Variants in RGMA observed in about 807,000 individuals in gnomAD.
The protein encoded by RGMA is repulsive guidance molecule BMP co-receptor a.
Under a neutral mutation model 23.2 loss-of-function variants are expected in RGMA, and 10 were observed. That is an observed-to-expected ratio of 0.43 (90% CI 0.27 to 0.73). The LOEUF is 0.73. RGMA is among the 30% of genes least tolerant of loss of function. RGMA has a pLI of 0.20. For missense variants in RGMA, 547 were observed against 630.5 expected, an observed-to-expected ratio of 0.87 and a Z score of 1.42; for synonymous variants, 308 against 279.3, an observed-to-expected ratio of 1.10 and a Z score of -1.03.
At position 93,088,831 on chromosome 15, in the gene RGMA, A is replaced by AC; in HGVS notation, c.14+87dup. 7.2e-6 allele frequency: 9 copies of AC among 1,245,108 alleles called. No homozygotes were observed. In the South Asian group the frequency reaches 1.2e-4, roughly 17 times the overall value. 77.1% of individuals were successfully genotyped at this position (1,245,108 alleles called of 1,614,324 possible). ...AAGATGAGACGCGGGGCTAAGGAAG[A>AC]CCAAAGCAGCGCCGTGGCCCCGGCA... On this transcript the variant is annotated intron_variant, in intron 1 of 3. Transcript: ENST00000329082.
chr15:93,049,030 T>C (rs1321904776), intron 3 of RGMA, among the ~76,000 whole-genome samples: 7 of 152,250 alleles, frequency 4.6e-5, no homozygotes, highest in Admixed American at 6.5e-5. Context: ...TGCTTGACTC[T>C]TCTTGGCACC....
intron 2 of RGMA, among the ~76,000 whole-genome samples, chr15:93,065,388 T>G: frequency 6.8e-6 from 1 of 147,266 alleles, no homozygotes; most frequent in Admixed American, 6.7e-5. Flanking sequence ...CTTCAACCCT[T>G]GATAAGGGAA....
In RGMA at chr15:93,035,529, C is replaced by A. The variant is rs1013022013; in HGVS notation, c.*9469G>T. 15 of 152,264 alleles carry A rather than the reference C, an allele frequency of 9.9e-5. No homozygotes were observed. Among genetic ancestry groups the A allele is most frequent in the African/African-American group, 3.6e-4 (15 of 41,514 alleles). The allele number at this position is 152,264 out of a possible 1,614,324, so 9.4% of individuals were successfully genotyped here. ...AGGTGATCAGACGTCCCCTGGAGGCCGTGGGGCATGAAGACCACGATCAGA... is the reference window on the plus strand; with the variant it reads ...AGGTGATCAGACGTCCCCTGGAGGCAGTGGGGCATGAAGACCACGATCAGA... On this transcript the variant is annotated 3_prime_UTR_variant, in exon 4 of 4. Coordinates refer to ENST00000329082, the MANE Select transcript of RGMA (RefSeq NM_020211.3).
At position 93,052,298 on chromosome 15, in the gene RGMA, T is replaced by G; in HGVS notation, c.340A>C (p.Asn114His). The change falls in exon 3 of 4, where the codon AAC becomes CAC. Residue 114 changes from asparagine (N) to histidine (H), a missense_variant. Transcript: ENST00000329082. The stretch of plus-strand genomic sequence containing the variant: ...GAGGTGGGGCCATCCTTGGAGCAGT[T>G]GTGCTGGCTCATGAGGTCCTCTATG... ...HGIEDLMSQH[N>H]CSKDGPTSQP... 1 of 1,604,402 alleles carries G rather than the reference T, an allele frequency of 6.2e-7. No individual in the cohort carries two copies. The highest frequency in any genetic ancestry group is 1.1e-5 in the South Asian group (1 of 90,966).
chr15:93,069,563 G>C (rs1895260029), intron 2 of RGMA, among the ~76,000 whole-genome samples: 1 of 152,174 alleles, frequency 6.6e-6, no homozygotes, highest in African/African-American at 2.4e-5. Context: ...AAAGTATAAG[G>C]GGAAGAAAGA....
rs1185005664 is a variant in RGMA at position 93,035,868 on chromosome 15, G to T, written c.*9130C>A. Reference sequence around the variant, plus strand: ...TGCCCAGTGATTAAGGCCTAGTCCTGCACCCAGTTGATAGCTAGGGCAGTG... The same window carrying T: ...TGCCCAGTGATTAAGGCCTAGTCCTTCACCCAGTTGATAGCTAGGGCAGTG... On this transcript the variant is annotated 3_prime_UTR_variant, in exon 4 of 4. Coordinates refer to ENST00000329082, the MANE Select transcript of RGMA (RefSeq NM_020211.3). 2.6e-5 allele frequency: 4 copies of T among 152,368 alleles called. No individual in the cohort carries two copies. The highest frequency in any genetic ancestry group is 9.6e-5 in the African/African-American group (4 of 41,562). 9.4% of individuals were successfully genotyped at this position (152,368 alleles called of 1,614,324 possible).
chr15:93,085,048 G>A (rs1381358726), intron 1 of RGMA, among the ~76,000 whole-genome samples: 3 of 152,120 alleles, frequency 2.0e-5, no homozygotes, highest in Non-Finnish European at 2.9e-5. Context: ...TCTTCAAGAA[G>A]AAATGTACAC....
At position 93,045,080 on chromosome 15, in the gene RGMA, GC is replaced by G; in HGVS notation, c.1270del (p.Ala424ArgfsTer83). ...GGGGGCCAGGGGCAGCCCCGCAGCC[GC>G]CCTGCCTGGCAGGTCCCGAGTCCTC... ...YERTRDLPGR[A>X]AAGLPLAPRP... On this transcript the variant is annotated frameshift_variant, in exon 4 of 4. Transcript: ENST00000329082. LOFTEE classifies it low-confidence loss of function (END_TRUNC). The surrounding 1 kb of genome is among the most constrained non-coding windows in gnomAD (Gnocchi z 6.9). The G allele has an allele frequency of 6.4e-7, 1 of 1,573,936 alleles. No homozygotes were observed. Among genetic ancestry groups the G allele is most frequent in the Non-Finnish European group, 8.6e-7 (1 of 1,160,148 alleles).
chr15:93,083,095 A>G (rs1895584106), intron 1 of RGMA, among the ~76,000 whole-genome samples: 1 of 152,246 alleles, frequency 6.6e-6, no homozygotes, highest in African/African-American at 2.4e-5. Context: ...GTTCTCCACC[A>G]GGCCTGAAGT....
At position 93,040,304 on chromosome 15, in the gene RGMA, G is replaced by A. The variant is rs1192864930; in HGVS notation, c.*4694C>T. ...TCTGGCAACTGGAGTCAAACATCAA[G>A]TCCTCCCGGAGCCGGAGAGCCCTGC... On this transcript the variant is annotated 3_prime_UTR_variant, in exon 4 of 4. Coordinates refer to ENST00000329082, the MANE Select transcript of RGMA (RefSeq NM_020211.3). The A allele has an allele frequency of 6.6e-6, 1 of 152,336 alleles. No homozygotes were observed. The highest frequency in any genetic ancestry group is 2.4e-5 in the African/African-American group (1 of 41,450). The allele number at this position is 152,336 out of a possible 1,614,324, so 9.4% of individuals were successfully genotyped here.
rs141550832 is a variant in RGMA, at chr15:93,083,529, A to T, written c.14+5390T>A. 3.1e-3 allele frequency among the ~76,000 whole-genome samples: 468 copies of T among 152,268 alleles called. 2 individuals carry two copies. Among genetic ancestry groups the T allele is most frequent in the Non-Finnish European group, 4.8e-3 (324 of 68,022 alleles). ...TTTTTAGCAGAGACCGGGTTTCACC[A>T]TGTTGGCCAGGCTGGTCTCGAACTC... On this transcript the variant is annotated intron_variant, in intron 1 of 3. Transcript: ENST00000329082.
chr15:93,069,655 G>A (rs1895262727), intron 2 of RGMA, among the ~76,000 whole-genome samples: 1 of 152,220 alleles, frequency 6.6e-6, no homozygotes, highest in Non-Finnish European at 1.5e-5. Context: ...TCTCTGGAGG[G>A]CCTGCTCTAG....
intron 3 of RGMA, among the ~76,000 whole-genome samples, chr15:93,050,528 C>A (rs553770378): frequency 6.6e-6 from 1 of 152,320 alleles, no homozygotes; most frequent in Non-Finnish European, 1.5e-5. Flanking sequence ...GTTGGTGAAG[C>A]TCTGCTTCAT....
At chr15:93,051,808 C>A (rs1353998007) in intron 3 of RGMA, among the ~76,000 whole-genome samples, 185 bp downstream of exon 3, 2 of 152,144 alleles carry the variant, frequency 1.3e-5, no homozygotes, top group South Asian at 4.1e-4. Context: ...CGGGCTGGCT[C>A]GAGGAAGGAG....
chr15:93,058,466 G>A (rs1015719227), intron 2 of RGMA, among the ~76,000 whole-genome samples: 2 of 152,260 alleles, frequency 1.3e-5, no homozygotes, highest in African/African-American at 4.8e-5. Context: ...CTCTGTGACA[G>A]CCAGTTTTGT....
In RGMA at chr15:93,044,873, C is replaced by T. The variant is rs537066206; in HGVS notation, c.*125G>A. Reference sequence around the variant, plus strand: ...CCGTGCCTGAGCCCTTGGCAGCAGGCGGTCCCTGGCGTTCTGCGGGGCCAT... The same window carrying T: ...CCGTGCCTGAGCCCTTGGCAGCAGGTGGTCCCTGGCGTTCTGCGGGGCCAT... On this transcript the variant is annotated 3_prime_UTR_variant, in exon 4 of 4. Transcript: ENST00000329082. 201 of 770,056 alleles carry T rather than the reference C, an allele frequency of 2.6e-4. 1 individual carries two copies. In the African/African-American group the frequency reaches 2.7e-3, roughly 10 times the overall value. The allele number at this position is 770,056 out of a possible 1,614,324, so 47.7% of individuals were successfully genotyped here. A position where few individuals can be genotyped will look rare whatever the true frequency, so the allele number is the denominator to read the frequency against.
intron 2 of RGMA, chr15:93,065,468 G>T: frequency 2.3e-6 from 1 of 444,042 alleles, no homozygotes; most frequent in Non-Finnish European, 4.2e-6. Context: ...TGAAAAGCTG[G>T]TATTTTGATG....
rs759625610 is a variant in RGMA, at chr15:93,045,039, C to T, written c.1312G>A (p.Ala438Thr). The change falls in exon 4 of 4, where the codon GCC becomes ACC. Residue 438 changes from alanine (A) to threonine (T), a missense_variant. By Grantham distance (58) the Ala-to-Thr change is moderately conservative. This residue lies in a region of RGMA where 205 missense variants were observed against 204.1 expected (regional missense o/e 1.00). Transcript: ENST00000329082. The surrounding 1 kb of genome is among the most constrained non-coding windows in gnomAD (Gnocchi z 6.9). Reference sequence around the variant, plus strand: ...AGCAGGGCCAGGAGCGGGACGAGGGCGCCCAGGAGGGGCCGGGGGGCCAGG... The same window carrying T: ...AGCAGGGCCAGGAGCGGGACGAGGGTGCCCAGGAGGGGCCGGGGGGCCAGG... ...LPLAPRPLLG[A>T]LVPLLALLPV... 4.2e-5 allele frequency: 67 copies of T among 1,594,492 alleles called. No individual in the cohort carries two copies. The African/African-American group carries it at 5.5e-4, about 13-fold the overall frequency.
At position 93,066,132 on chromosome 15, in the gene RGMA, G is replaced by A. The variant is rs762011466; in HGVS notation, c.130+6784C>T. 33 of 1,365,322 alleles carry A rather than the reference G, an allele frequency of 2.4e-5. No homozygotes were observed. In the African/African-American group the frequency reaches 3.0e-4, roughly 12 times the overall value. The allele number at this position is 1,365,322 out of a possible 1,614,324, so 84.6% of individuals were successfully genotyped here. On this transcript the variant is annotated intron_variant, in intron 2 of 3. Coordinates refer to ENST00000329082, the MANE Select transcript of RGMA (RefSeq NM_020211.3). ...TGGGGGCATAACAGCTGCCCTTCAC[G>A]GGCACCTCCCCGGGCCCAGTTACAT...
Sources: allele counts gnomAD v4.1 joint callset (sites outside exome capture counted in the v4.1 genomes callset), GRCh38; gene constraint gnomAD v4.1.1; regional missense constraint gnomAD v4.1.1; non-coding constraint Gnocchi (gnomAD v3.1); transcripts MANE v1.5; gene names NCBI Gene and HGNC (gene_info 2026-07-23, HGNC 2026-07-21).